SLC9A2: variants seen among roughly 807,000 people sequenced by gnomAD.
The protein encoded by SLC9A2 is solute carrier family 9 member A2, also known as sodium/hydrogen exchanger 2.
In SLC9A2, 42 loss-of-function variants were observed where a neutral mutation model predicts 71.7. The observed-to-expected ratio is 0.59, with a 90% CI of 0.46 to 0.76. The LOEUF is 0.76. Ranked by LOEUF, SLC9A2 falls within the 30% of genes least tolerant of loss-of-function variation. SLC9A2 has a pLI of 0.00. For synonymous variants in SLC9A2, 396 were observed against 392.5 expected (o/e 1.01, Z -0.10); for missense variants, 829 against 1,017.4 (o/e 0.81, Z 2.52).
intron 9 of SLC9A2, 25 bp downstream of exon 9, chr2:102,702,527 T>C (rs1292767850): frequency 7.3e-7 from 1 of 1,361,680 alleles, no homozygotes; most frequent in Non-Finnish European, 1.0e-6. Flanking sequence ...TGTAGCAAAA[T>C]ATTTACTTAC....
At chr2:102,670,425 C>G (rs550820874) in intron 3 of SLC9A2, among the ~76,000 whole-genome samples, 1 of 152,028 alleles carries the variant, frequency 6.6e-6, no homozygotes, top group African/African-American at 2.4e-5. Flanking sequence ...ATTCTAGCAG[C>G]ATTATTGCAA....
chr2:102,677,334 G>A (rs1677361945), intron 3 of SLC9A2, among the ~76,000 whole-genome samples: 2 of 152,092 alleles, frequency 1.3e-5, no homozygotes, highest in African/African-American at 2.4e-5. Context: ...GTCTATAGCT[G>A]GCCTGAATTG....
Position 102,704,690 on chromosome 2 carries a change from G to T in SLC9A2, c.1977+15G>T. The T allele has an allele frequency of 1.2e-6, 2 of 1,605,876 alleles. No homozygotes were observed. Among genetic ancestry groups the T allele is most frequent in the East Asian group, 2.3e-5 (1 of 44,364 alleles). ...GAGAACACAGGGTAACTGAGTGTGC[G>T]CCTCTAGGAGACTTCCAGGGGTGGA... On this transcript the variant is annotated intron_variant, in intron 10 of 11. Transcript: ENST00000233969.
chr2:102,646,754 A>G (rs1340986537), intron 1 of SLC9A2, among the ~76,000 whole-genome samples: 2 of 130,772 alleles, frequency 1.5e-5, no homozygotes, highest in Non-Finnish European at 3.1e-5. Flanking sequence ...CAGCAAGAAG[A>G]GCTAACGATC....
chr2:102,656,875 A>G (rs895654881), intron 1 of SLC9A2, among the ~76,000 whole-genome samples: 1 of 152,222 alleles, frequency 6.6e-6, no homozygotes, highest in African/African-American at 2.4e-5. Flanking sequence ...GAGATGTTAC[A>G]TCTGAAAGTG....
intron 1 of SLC9A2, among the ~76,000 whole-genome samples, chr2:102,638,349 T>C (rs6717565): frequency 6.6e-6 from 1 of 152,072 alleles, no homozygotes; most frequent in African/African-American, 2.4e-5. Flanking sequence ...TTCTCAGAAA[T>C]TGATCATGTT....
At chr2:102,639,181 C>G (rs890397174) in intron 1 of SLC9A2, among the ~76,000 whole-genome samples, 5 of 152,054 alleles carry the variant, frequency 3.3e-5, no homozygotes, top group African/African-American at 1.2e-4. Flanking sequence ...GAAACCCTGT[C>G]TAAAAAAATA....
intron 1 of SLC9A2, among the ~76,000 whole-genome samples, chr2:102,653,740 G>T (rs1053361707): frequency 6.6e-6 from 1 of 152,172 alleles, no homozygotes; most frequent in South Asian, 2.1e-4. Flanking sequence ...GAAAGAAAAA[G>T]GTGAAAGAGG....
In SLC9A2 at chr2:102,684,138, T is replaced by C. The variant is rs1677505528; in HGVS notation, c.1227T>C (p.Val409=). 1.2e-6 allele frequency: 2 copies of C among 1,613,818 alleles called. No homozygotes were observed. The highest frequency in any genetic ancestry group is 1.7e-6 in the Non-Finnish European group (2 of 1,179,780). Residue 409 remains valine, a synonymous_variant, in exon 5 of 12, where the codon GTT becomes GTC. Transcript: ENST00000233969. ...AFCLMWRALG[V]FVLTQVINRF... ...TTGGGTTTTCTTTCTTTGCAGGTGT[T>C]TTTGTCCTGACTCAGGTCATTAATA...
chr2:102,621,775 T>G (rs113996371), intron 1 of SLC9A2, among the ~76,000 whole-genome samples: 245 of 152,306 alleles, frequency 1.6e-3, no homozygotes, highest in African/African-American at 5.6e-3. Flanking sequence ...AGTATGCCAT[T>G]GCAGGGAAGC....
chr2:102,683,525 T>C (rs1462530843), intron 4 of SLC9A2, 47 bp downstream of exon 4: 4 of 1,405,464 alleles, frequency 2.8e-6, no homozygotes, highest in East Asian at 4.6e-5. Flanking sequence ...CACTCACTAA[T>C]TGAATGGGGC....
At position 102,684,228 on chromosome 2, in the gene SLC9A2, T is replaced by G; in HGVS notation, c.1317T>G (p.Gly439=). ...QFIIAYGGLR[G]AICFALVFLL... is the part of the protein sequence containing the mutation. Reference sequence around the variant, plus strand: ...TCATTGCCTATGGAGGACTTCGAGGTGCCATCTGTTTTGCGTTAGTGTTTC... The same window carrying G: ...TCATTGCCTATGGAGGACTTCGAGGGGCCATCTGTTTTGCGTTAGTGTTTC... Residue 439 remains glycine, a synonymous_variant, in exon 5 of 12, where the codon GGT becomes GGG. Coordinates refer to ENST00000233969, the MANE Select transcript of SLC9A2 (RefSeq NM_003048.6). 6.2e-7 allele frequency: 1 copy of G among 1,614,170 alleles called. No individual in the cohort carries two copies. Among genetic ancestry groups the G allele is most frequent in the Non-Finnish European group, 8.5e-7 (1 of 1,180,004 alleles).
At chr2:102,685,967 G>A (rs1021581370) in intron 5 of SLC9A2, among the ~76,000 whole-genome samples, 3 of 152,166 alleles carry the variant, frequency 2.0e-5, no homozygotes, top group African/African-American at 4.8e-5. Flanking sequence ...GCCTTGGGGC[G>A]GCCCCACCTT....
intron 5 of SLC9A2, among the ~76,000 whole-genome samples, chr2:102,684,629 A>T (rs888776176): frequency 6.6e-6 from 1 of 152,192 alleles, no homozygotes; most frequent in Non-Finnish European, 1.5e-5. Context: ...TATTTTTCTG[A>T]CTTAGTGAAT....
chr2:102,661,885 A>G (rs540414923), intron 2 of SLC9A2, among the ~76,000 whole-genome samples: 94 of 152,326 alleles, frequency 6.2e-4, no homozygotes, highest in Non-Finnish European at 1.0e-3. Flanking sequence ...TGTAAATTAA[A>G]ATTCTAAAAC....
intron 8 of SLC9A2, among the ~76,000 whole-genome samples, chr2:102,701,468 G>A (rs1173747859): frequency 6.6e-6 from 1 of 152,146 alleles, no homozygotes; most frequent in Non-Finnish European, 1.5e-5. Flanking sequence ...ATTTTCATCA[G>A]CCAATCAATA....
In SLC9A2 at chr2:102,708,573, C is replaced by A; in HGVS notation, c.*84C>A. On this transcript the variant is annotated 3_prime_UTR_variant, in exon 12 of 12. Transcript: ENST00000233969. ...TGAAACCTGATGCAACAGTGGAATC[C>A]ATGTAAAACTCTCTGTGCATCTAAA... is the stretch of plus-strand genomic sequence containing the variant. 6.9e-7 allele frequency: 1 copy of A among 1,456,682 alleles called. No homozygotes were observed. The highest frequency in any genetic ancestry group is 9.3e-7 in the Non-Finnish European group (1 of 1,076,416). The allele number at this position is 1,456,682 out of a possible 1,614,324, so 90.2% of individuals were successfully genotyped here.
At chr2:102,683,083 G>T (rs550610756) in intron 3 of SLC9A2, among the ~76,000 whole-genome samples, 178 bp from the exon 4 acceptor site, 24 of 152,248 alleles carry the variant, frequency 1.6e-4, no homozygotes, top group African/African-American at 5.8e-4. Flanking sequence ...GAAGACCTCC[G>T]GAGATTGCAG....
At position 102,704,503 on chromosome 2, in the gene SLC9A2, T is replaced by C. The variant is rs1009084480; in HGVS notation, c.1846-41T>C. ...TTTCTGGGGGAAATGATCAGGTTTT[T>C]GTTTTTGTTTTTTAATGTCCTCTAT... On this transcript the variant is annotated intron_variant, in intron 9 of 11. Transcript: ENST00000233969. The C allele has an allele frequency of 4.4e-6, 7 of 1,590,518 alleles. No individual in the cohort carries two copies. In the African/African-American group the frequency reaches 8.1e-5, roughly 18 times the overall value.
Sources: allele counts gnomAD v4.1 joint callset (sites outside exome capture counted in the v4.1 genomes callset), GRCh38; gene constraint gnomAD v4.1.1; transcripts MANE v1.5; gene names NCBI Gene and HGNC (gene_info 2026-07-23, HGNC 2026-07-21).